Variants in WWOX observed in about 807,000 individuals in gnomAD.
WWOX encodes WW domain containing oxidoreductase.
Under a neutral mutation model 46.2 loss-of-function variants are expected in WWOX, and 69 were observed. That is an observed-to-expected ratio of 1.49 (90% CI 1.23 to 1.82). The LOEUF is 1.82. Ranked by LOEUF, WWOX falls within the 40% of genes most tolerant of loss-of-function variation. WWOX has a pLI of 0.00. For synonymous variants in WWOX, 359 were observed against 202.6 expected (o/e 1.77, Z -6.56); for missense variants, 919 against 542.6 (o/e 1.69, Z -6.89).
chr16:78,200,223 A>G (rs1259872203), intron 5 of WWOX, among the ~76,000 whole-genome samples: 3 of 152,008 alleles, frequency 2.0e-5, no homozygotes, highest in Non-Finnish European at 2.9e-5. Flanking sequence ...TGCACGTAGT[A>G]GGCAGCTTAA....
At chr16:78,849,527 T>C (rs2052387034) in intron 8 of WWOX, among the ~76,000 whole-genome samples, 1 of 136,224 alleles carries the variant, frequency 7.3e-6, no homozygotes, top group African/African-American at 2.8e-5. Flanking sequence ...TGAGCGGAGA[T>C]CGTGACACTG....
chr16:78,230,840 G>A (rs12931696), intron 5 of WWOX, among the ~76,000 whole-genome samples: 81,427 of 152,042 alleles, frequency 0.54, 22,213 homozygotes, highest in Admixed American at 0.67. Flanking sequence ...CACACCAATG[G>A]TATATATTTT....
chr16:79,011,553 A>G (rs2047310334), intron 8 of WWOX, among the ~76,000 whole-genome samples: 2 of 150,948 alleles, frequency 1.3e-5, no homozygotes, highest in Admixed American at 6.6e-5. Flanking sequence ...GTGCAGTGAC[A>G]TGGTGATGGC....
Position 79,211,936 on chromosome 16 carries a change from G to A in WWOX, c.*140G>A. 3 of 1,538,146 alleles carry A rather than the reference G, an allele frequency of 2.0e-6. No individual in the cohort carries two copies. The highest frequency in any genetic ancestry group is 2.6e-6 in the Non-Finnish European group (3 of 1,147,298). ...GAAATAAGAGCAGTCACAACAGAGT[G>A]AAAAATCTTAAGTACCAATGGGAAG... On this transcript the variant is annotated 3_prime_UTR_variant, in exon 9 of 9. Coordinates refer to ENST00000566780, the MANE Select transcript of WWOX (RefSeq NM_016373.4).
At chr16:78,464,610 G>C (rs2084029728) in intron 8 of WWOX, among the ~76,000 whole-genome samples, 1 of 152,184 alleles carries the variant, frequency 6.6e-6, no homozygotes, top group Admixed American at 6.5e-5. Context: ...TCAGAAGCAA[G>C]TCAGGATTTG....
intron 8 of WWOX, among the ~76,000 whole-genome samples, chr16:78,923,344 T>C (rs927172562): frequency 1.3e-5 from 2 of 152,164 alleles, no homozygotes; most frequent in Non-Finnish European, 1.5e-5. Flanking sequence ...CAGAATATCA[T>C]CATTATCAAC....
chr16:79,047,049 T>C (rs1211125617), intron 8 of WWOX, among the ~76,000 whole-genome samples: 1 of 152,244 alleles, frequency 6.6e-6, no homozygotes, highest in Non-Finnish European at 1.5e-5. Context: ...TTAATTTACA[T>C]ATGTCCTTGG....
intron 8 of WWOX, among the ~76,000 whole-genome samples, chr16:79,202,004 T>C (rs1254396928): frequency 6.6e-6 from 1 of 152,224 alleles, no homozygotes; most frequent in Non-Finnish European, 1.5e-5. Flanking sequence ...TAATCGTGTG[T>C]AGAGCAGAGA....
chr16:78,953,891 T>G (rs1427883701), intron 8 of WWOX, among the ~76,000 whole-genome samples: 1 of 152,234 alleles, frequency 6.6e-6, no homozygotes, highest in Admixed American at 6.5e-5. Flanking sequence ...TTTCACTTGC[T>G]GCCTTATATT....
At chr16:78,774,296 G>C (rs1327294221) in intron 8 of WWOX, among the ~76,000 whole-genome samples, 1 of 152,138 alleles carries the variant, frequency 6.6e-6, no homozygotes, top group East Asian at 1.9e-4. Flanking sequence ...AGCTACTCAG[G>C]AGGCTGAAAA....
chr16:78,517,655 C>T (rs2043265203), intron 8 of WWOX, among the ~76,000 whole-genome samples: 1 of 152,060 alleles, frequency 6.6e-6, no homozygotes, highest in South Asian at 2.1e-4. Flanking sequence ...TCCCCGCAAT[C>T]CATGTCTGGT....
chr16:78,650,344 TTC>T (rs1487224719), intron 8 of WWOX, among the ~76,000 whole-genome samples: 3 of 152,196 alleles, frequency 2.0e-5, no homozygotes, highest in African/African-American at 7.2e-5. Context: ...TACAGATAAT[TTC>T]TCTCTTAAAT....
intron 5 of WWOX, among the ~76,000 whole-genome samples, chr16:78,366,725 C>T (rs929514081): frequency 1.3e-5 from 2 of 152,162 alleles, no homozygotes; most frequent in Non-Finnish European, 2.9e-5. Context: ...TGCTTACTAT[C>T]TGGCCCTTTA....
intron 5 of WWOX, among the ~76,000 whole-genome samples, chr16:78,380,985 C>A (rs1173295756): frequency 6.8e-6 from 1 of 147,688 alleles, no homozygotes; most frequent in South Asian, 2.1e-4. Flanking sequence ...CCATAGAAGG[C>A]AATACTATTA....
chr16:78,648,940 TTTGA>T (rs1207866786), intron 8 of WWOX, among the ~76,000 whole-genome samples: 6 of 152,296 alleles, frequency 3.9e-5, no homozygotes, highest in East Asian at 3.9e-4. Flanking sequence ...TGTTTGTTTC[TTTGA>T]TTGTTTTTAA....
At chr16:78,641,833 C>G (rs529948667) in intron 8 of WWOX, among the ~76,000 whole-genome samples, 1 of 152,330 alleles carries the variant, frequency 6.6e-6, no homozygotes, top group South Asian at 2.1e-4. Flanking sequence ...CAGAAAGCAG[C>G]TGCAGAATTT....
chr16:78,369,212 T>G (rs376904245), intron 5 of WWOX, among the ~76,000 whole-genome samples: 2 of 152,194 alleles, frequency 1.3e-5, no homozygotes, highest in East Asian at 1.9e-4. Context: ...ATTCTGAGTT[T>G]ACACAGTGAT....
intron 8 of WWOX, among the ~76,000 whole-genome samples, chr16:79,057,745 A>G (rs1163257346): frequency 6.6e-6 from 1 of 152,150 alleles, no homozygotes; most frequent in Non-Finnish European, 1.5e-5. Context: ...GGTAGAAGAC[A>G]TAGGTGGTCA....
In WWOX at chr16:78,292,052, A is replaced by G. The variant is rs145069881; in HGVS notation, c.517-94808A>G. Among the ~76,000 whole-genome samples the G allele has an allele frequency of 4.9e-3, 721 of 146,392 alleles. 2 individuals carry two copies. Among genetic ancestry groups the G allele is most frequent in the Middle Eastern group, 0.034 (10 of 292 alleles). On this transcript the variant is annotated intron_variant, in intron 5 of 8. Transcript: ENST00000566780. ...TTTTTGTATGGCTTATGAGATGAGGATGATTTTTACCTTTTTTTTTTTTTT... is the reference window on the plus strand; with the variant it reads ...TTTTTGTATGGCTTATGAGATGAGGGTGATTTTTACCTTTTTTTTTTTTTT...
Sources: allele counts gnomAD v4.1 joint callset (sites outside exome capture counted in the v4.1 genomes callset), GRCh38; gene constraint gnomAD v4.1.1; transcripts MANE v1.5; gene names NCBI Gene and HGNC (gene_info 2026-07-23, HGNC 2026-07-21).